The following SFMBT2 variants were observed in gnomAD, a reference collection of about 807,000 sequenced individuals.
SFMBT2 encodes scm-like with four MBT domains protein 2.
SFMBT2 carries 38 observed loss-of-function variants against 110.1 expected under a neutral mutation model. The observed-to-expected ratio is 0.35, with a 90% CI of 0.27 to 0.45. The LOEUF is 0.45. SFMBT2 is among the 20% of genes least tolerant of loss of function. The pLI is 1.00. For synonymous variants in SFMBT2, 425 were observed against 425.4 expected (o/e 1.00, Z 0.01); for missense variants, 1,011 against 1,094.9 (o/e 0.92, Z 1.08).
At chr10:7,231,801 T>A (rs1176117613) in intron 9 of SFMBT2, among the ~76,000 whole-genome samples, 5 of 152,236 alleles carry the variant, frequency 3.3e-5, no homozygotes, top group Non-Finnish European at 7.3e-5. Context: ...ACTCACTTCA[T>A]CATTTCAAAT....
intron 10 of SFMBT2, among the ~76,000 whole-genome samples, chr10:7,222,067 C>T (rs944391862): frequency 3.3e-5 from 5 of 152,202 alleles, no homozygotes; most frequent in African/African-American, 9.7e-5. Context: ...TCAGAATCCC[C>T]ATTTTATTCT....
At chr10:7,303,352 T>G (rs1260093179) in intron 4 of SFMBT2, among the ~76,000 whole-genome samples, 1 of 152,244 alleles carries the variant, frequency 6.6e-6, no homozygotes, top group East Asian at 1.9e-4. Context: ...AACTATTATG[T>G]CAGCCTTAGA....
intron 4 of SFMBT2, among the ~76,000 whole-genome samples, chr10:7,365,966 C>CA (rs555749303): frequency 2.4e-3 from 369 of 152,160 alleles, no homozygotes; most frequent in Non-Finnish European, 4.1e-3. Context: ...TATGGCACGT[C>CA]AATTAGATCT....
At chr10:7,366,356 A>C (rs549634071) in intron 4 of SFMBT2, among the ~76,000 whole-genome samples, 7 of 152,084 alleles carry the variant, frequency 4.6e-5, no homozygotes, top group African/African-American at 1.4e-4. Context: ...TTAGCAGGCT[A>C]TCAATTACAC....
chr10:7,361,288 C>T (rs1019856132), intron 4 of SFMBT2, among the ~76,000 whole-genome samples: 12 of 152,152 alleles, frequency 7.9e-5, no homozygotes, highest in African/African-American at 2.7e-4. Context: ...ATGTCATTTA[C>T]ATTATAAAAT....
At chr10:7,181,826 TA>T (rs896586448) in intron 16 of SFMBT2, among the ~76,000 whole-genome samples, 2 of 151,210 alleles carry the variant, frequency 1.3e-5, no homozygotes, top group African/African-American at 2.4e-5. Context: ...ACAGCCCTAT[TA>T]AAAAAAAAGG....
chr10:7,273,512 T>C (rs903698264), intron 7 of SFMBT2, among the ~76,000 whole-genome samples: 1 of 152,212 alleles, frequency 6.6e-6, no homozygotes, highest in African/African-American at 2.4e-5. Context: ...CTAGGGTACA[T>C]GTGCACAACG....
chr10:7,220,767 T>C (rs1395532330), intron 10 of SFMBT2, among the ~76,000 whole-genome samples: 6 of 152,030 alleles, frequency 3.9e-5, no homozygotes, highest in Non-Finnish European at 7.4e-5. Flanking sequence ...TAATACTATT[T>C]GTTAAACGAG....
intron 2 of SFMBT2, among the ~76,000 whole-genome samples, chr10:7,372,010 T>G (rs1190013177): frequency 1.6e-5 from 2 of 125,048 alleles, no homozygotes; most frequent in Non-Finnish European, 3.2e-5. Context: ...CACTACAACC[T>G]CCACCCCCCA....
intron 7 of SFMBT2, among the ~76,000 whole-genome samples, chr10:7,266,060 G>A (rs189228218): frequency 6.0e-4 from 91 of 152,082 alleles, no homozygotes; most frequent in African/African-American, 2.0e-3. Context: ...GCGCAGAAGG[G>A]GAGATAGTGG....
intron 16 of SFMBT2, among the ~76,000 whole-genome samples, chr10:7,186,423 TATACACACAC>T (rs1413770834): frequency 9.2e-5 from 10 of 108,134 alleles, no homozygotes; most frequent in African/African-American, 1.8e-4. Context: ...ACATACTATA[TATACACACAC>T]ACACACACAC....
At chr10:7,216,974 G>A (rs1251825711) in intron 11 of SFMBT2, among the ~76,000 whole-genome samples, 1 of 152,180 alleles carries the variant, frequency 6.6e-6, no homozygotes, top group Non-Finnish European at 1.5e-5. Context: ...GCCAATAGGT[G>A]GCCAGGTCTA....
At chr10:7,257,676 A>T (rs1841070261) in intron 7 of SFMBT2, among the ~76,000 whole-genome samples, 1 of 152,228 alleles carries the variant, frequency 6.6e-6, no homozygotes. Context: ...TCATCTCCAC[A>T]TTTACTTGAG....
chr10:7,394,756 A>G (rs1333842078), intron 1 of SFMBT2, among the ~76,000 whole-genome samples: 2 of 152,088 alleles, frequency 1.3e-5, no homozygotes, highest in Admixed American at 1.3e-4. Flanking sequence ...CTTTCATTTC[A>G]TCTTGAAGCA....
intron 4 of SFMBT2, among the ~76,000 whole-genome samples, chr10:7,323,468 ACC>A (rs143755603): frequency 1.6e-4 from 18 of 111,068 alleles, no homozygotes; most frequent in African/African-American, 4.4e-4. Flanking sequence ...AAAAAAAAAA[ACC>A]AAAAAAAAAA....
chr10:7,350,559 G>T (rs974922633), intron 4 of SFMBT2, among the ~76,000 whole-genome samples: 1 of 152,120 alleles, frequency 6.6e-6, no homozygotes, highest in African/African-American at 2.4e-5. Flanking sequence ...GCTACATCTT[G>T]AAATACAAAT....
At chr10:7,320,140 A>C (rs1274511835) in intron 4 of SFMBT2, among the ~76,000 whole-genome samples, 1 of 152,194 alleles carries the variant, frequency 6.6e-6, no homozygotes, top group Non-Finnish European at 1.5e-5. Context: ...GACAACGCCA[A>C]CTTGGCCAGA....
intron 4 of SFMBT2, among the ~76,000 whole-genome samples, chr10:7,322,208 T>G (rs1843212839): frequency 6.6e-6 from 1 of 152,244 alleles, no homozygotes; most frequent in African/African-American, 2.4e-5. Context: ...CTGATGGTTT[T>G]ATACATGGGA....
At chr10:7,189,708 C>T (rs1838537589) in intron 15 of SFMBT2, among the ~76,000 whole-genome samples, 1 of 152,176 alleles carries the variant, frequency 6.6e-6, no homozygotes, top group Non-Finnish European at 1.5e-5. Context: ...CACGCAGTGC[C>T]CATGCCTCCT....
Sources: allele counts gnomAD v4.1 joint callset (sites outside exome capture counted in the v4.1 genomes callset), GRCh38; gene constraint gnomAD v4.1.1; transcripts MANE v1.5; gene names NCBI Gene and HGNC (gene_info 2026-07-23, HGNC 2026-07-21).